CLK2: variants seen among roughly 807,000 people sequenced by gnomAD.
The protein encoded by CLK2 is dual specificity protein kinase CLK2.
Under a neutral mutation model 73.5 loss-of-function variants are expected in CLK2, and 12 were observed. The ratio of observed to expected loss-of-function variants is 0.16; its 90% CI spans 0.10 to 0.26. CLK2 has a LOEUF of 0.26. CLK2 is among the 10% of genes least tolerant of loss of function. The pLI is 1.00. For missense variants in CLK2, 509 were observed against 688.4 expected (o/e 0.74, Z 2.92); for synonymous variants, 232 against 237.9 (o/e 0.98, Z 0.23).
chr1:155,263,656 T>C (rs929319006), intron 12 of CLK2: 6 of 984,766 alleles, frequency 6.1e-6, no homozygotes, highest in Non-Finnish European at 7.2e-6. Flanking sequence ...TCTTCTTTAG[T>C]TCCTCATTAA....
At chr1:155,267,345 C>T (rs1673278029) in intron 6 of CLK2, among the ~76,000 whole-genome samples, 1 of 152,232 alleles carries the variant, frequency 6.6e-6, no homozygotes, top group South Asian at 2.1e-4. Context: ...CCCGCCTCGG[C>T]CTCCAAAGTG....
chr1:155,265,826 C>T (rs1328783520), intron 8 of CLK2, 34 bp downstream of exon 8: 9 of 1,403,598 alleles, frequency 6.4e-6, no homozygotes, highest in African/African-American at 1.4e-5. Flanking sequence ...GCTGCCTGCC[C>T]CCAGTAACCA....
In CLK2 at chr1:155,268,519, C is replaced by T. The variant is rs1673337711; in HGVS notation, c.488-160G>A. On this transcript the variant is annotated intron_variant, in intron 4 of 12. Coordinates refer to ENST00000368361, the MANE Select transcript of CLK2 (RefSeq NM_001294338.2). The surrounding 1 kb of genome is among the most constrained non-coding windows in gnomAD (Gnocchi z 5.6). ...AAGAAAACCCCTGCGTGATTCCCAC[C>T]ACCTTTAACCCAGGGGCCGTGAGAG... The T allele has an allele frequency of 1.3e-6, 1 of 771,230 alleles. No individual in the cohort carries two copies. Among genetic ancestry groups the T allele is most frequent in the Non-Finnish European group, 2.2e-6 (1 of 452,134 alleles). 47.8% of individuals were successfully genotyped at this position (771,230 alleles called of 1,614,324 possible). A position where few individuals can be genotyped will look rare whatever the true frequency, so the allele number is the denominator to read the frequency against.
chr1:155,263,988 C>T lies in CLK2; in HGVS notation c.1279G>A (p.Ala427Thr). The T allele has an allele frequency of 6.2e-7, 1 of 1,614,216 alleles. No homozygotes were observed. The highest frequency in any genetic ancestry group is 2.2e-5 in the East Asian group (1 of 44,888). The change falls in exon 12 of 13, where the codon GCT becomes ACT. Residue 427 changes from alanine to threonine, a missense_variant. This residue lies in a region of CLK2 where 134 missense variants were observed against 146.0 expected (regional missense o/e 0.92). Coordinates refer to ENST00000368361, the MANE Select transcript of CLK2 (RefSeq NM_001294338.2). Reference sequence around the variant, plus strand: ...CAGTTCTCACGAACATAGCGCCCAGCTGATGTGTTCTCATCCCAATCCAGG... The same window carrying T: ...CAGTTCTCACGAACATAGCGCCCAGTTGATGTGTTCTCATCCCAATCCAGG... The part of the protein sequence containing the change: ...GRLDWDENTS[A>T]GRYVRENCKP...
In CLK2 at chr1:155,263,088, A is replaced by C. The variant is rs1673047382; in HGVS notation, c.*130T>G. The stretch of plus-strand genomic sequence containing the variant: ...CTTTCATATTTACACTATTTCACAT[A>C]TTCACAGGTATATAGAGAGCCAGGA... On this transcript the variant is annotated 3_prime_UTR_variant, in exon 13 of 13. Transcript: ENST00000368361. 1 of 818,924 alleles carries C rather than the reference A, an allele frequency of 1.2e-6. No homozygotes were observed. Among genetic ancestry groups the C allele is most frequent in the East Asian group, 2.7e-5 (1 of 37,370 alleles). The allele number at this position is 818,924 out of a possible 1,614,324, so 50.7% of individuals were successfully genotyped here.
rs866964574 is a variant in CLK2, at chr1:155,268,771, T to G, written c.424A>C (p.Ser142Arg). The G allele has an allele frequency of 1.9e-6, 3 of 1,611,588 alleles. No homozygotes were observed. The highest frequency in any genetic ancestry group is 1.3e-5 in the African/African-American group (1 of 74,448). The change falls in exon 4 of 13, where the codon AGT becomes CGT. Residue 142 changes from serine (S) to arginine (R), a missense_variant. Physicochemically the swap from Ser to Arg is moderately radical, Grantham distance 110 (BLOSUM62 -1). This residue lies in a region of CLK2 where 222 missense variants were observed against 221.7 expected (regional missense o/e 1.00). Transcript: ENST00000368361. The surrounding 1 kb of genome is among the most constrained non-coding windows in gnomAD (Gnocchi z 5.6). ...SSQHSSRRAK[S>R]VEDDAEGHLI... is the part of the protein sequence containing the mutation. ...TGGCCCTCAGCGTCGTCCTCTACAC[T>G]CTTGGCTCTCCGGCTGCTGTGCTGC...
At chr1:155,266,125 G>GTAT (rs1673221364) in intron 7 of CLK2, among the ~76,000 whole-genome samples, 171 bp from the exon 8 acceptor site, 5 of 151,696 alleles carry the variant, frequency 3.3e-5, no homozygotes, top group African/African-American at 1.2e-4. Flanking sequence ...AAGAAGCTCT[G>GTAT]CTCTTTCTAA....
At chr1:155,265,993 G>A in intron 7 of CLK2, 39 bp from the exon 8 acceptor site, 4 of 1,427,244 alleles carry the variant, frequency 2.8e-6, no homozygotes, top group South Asian at 1.1e-5. Context: ...GGTGCAGGTG[G>A]CCAGAGCTAA....
chr1:155,264,287 C>T lies in CLK2; in HGVS notation c.1160G>A (p.Arg387Lys), dbSNP rs1411657034. The part of the protein sequence containing the change: ...GFTLFQTHDN[R>K]EHLAMMERIL... The stretch of plus-strand genomic sequence containing the variant: ...CCTTTCCATCATGGCTAGATGCTCT[C>T]TGTTGTCATGGGTCTGGGAAACAAA... Residue 387 changes from arginine (R) to lysine (K), a missense_variant, in exon 11 of 13, where the codon AGA (arginine) becomes AAA (lysine). Physicochemically the swap from Arg to Lys is conservative, Grantham distance 26. Coordinates refer to ENST00000368361, the MANE Select transcript of CLK2 (RefSeq NM_001294338.2). 3 of 1,614,184 alleles carry T rather than the reference C, an allele frequency of 1.9e-6. No homozygotes were observed. The highest frequency in any genetic ancestry group is 2.5e-6 in the Non-Finnish European group (3 of 1,180,026).
chr1:155,265,945 T>C lies in CLK2; in HGVS notation c.848A>G (p.Asp283Gly). The change falls in exon 8 of 13, where the codon GAT becomes GGT. Residue 283 changes from aspartate (D) to glycine (G), a missense_variant. Asp to Gly is a moderately conservative substitution (Grantham distance 94). Coordinates refer to ENST00000368361, the MANE Select transcript of CLK2 (RefSeq NM_001294338.2). ...QLCQAVKFLH[D>G]NKLTHTDLKP... ...GAGGTCTGTATGTGTCAGCTTGTTA[T>C]CATGGAGGACTGTAGGGGAGAAGGC... The C allele has an allele frequency of 1.2e-6, 2 of 1,611,924 alleles. No homozygotes were observed. Among genetic ancestry groups the C allele is most frequent in the South Asian group, 1.1e-5 (1 of 91,050 alleles).
Position 155,269,580 on chromosome 1 carries a change from G to A in CLK2, c.307C>T (p.Arg103Trp), listed in dbSNP as rs1294139605. Residue 103 changes from arginine to tryptophan, a missense_variant, in exon 3 of 13, where the codon CGG becomes TGG. Arg to Trp is a moderately radical substitution (Grantham distance 101). This residue lies in a region of CLK2 where 222 missense variants were observed against 221.7 expected (regional missense o/e 1.00). Coordinates refer to ENST00000368361, the MANE Select transcript of CLK2 (RefSeq NM_001294338.2). ...TDYRHSYEYQ[R>W]ENSSYRSQRS... ...TGGCTGCGGTAACTGCTGTTCTCCC[G>A]CTGATATTCATAGGAATGCCGATAG... 1.2e-5 allele frequency: 19 copies of A among 1,614,164 alleles called. No homozygotes were observed. The highest frequency in any genetic ancestry group is 4.4e-5 in the South Asian group (4 of 91,084).
intron 6 of CLK2, among the ~76,000 whole-genome samples, 163 bp downstream of exon 6, chr1:155,267,847 C>G (rs1446472051): frequency 6.6e-6 from 1 of 152,118 alleles, no homozygotes; most frequent in Non-Finnish European, 1.5e-5. Context: ...CATGGGCCCC[C>G]CCCCTTTCCT....
chr1:155,269,791 G>T, intron 2 of CLK2, 75 bp from the exon 3 acceptor site: 1 of 1,340,656 alleles, frequency 7.5e-7, no homozygotes, highest in Non-Finnish European at 1.1e-6. Context: ...ACAAGGTCCT[G>T]CCTTAGTGAG....
At chr1:155,269,170 G>T in intron 3 of CLK2, 1 of 578,424 alleles carries the variant, frequency 1.7e-6, no homozygotes, top group Non-Finnish European at 3.1e-6. Flanking sequence ...CCAGGGCTTG[G>T]GGGAAAAAGG....
In CLK2 at chr1:155,270,791, T is replaced by C. The variant is rs1557936749; in HGVS notation, c.170+17A>G. On this transcript the variant is annotated intron_variant, in intron 2 of 12. Coordinates refer to ENST00000368361, the MANE Select transcript of CLK2 (RefSeq NM_001294338.2). ...GCGAGTGACCCTGTGTTTGAGTATCTCTTCCTGAGGCCTCACCTTCGAGAA... is the reference window on the plus strand; with the variant it reads ...GCGAGTGACCCTGTGTTTGAGTATCCCTTCCTGAGGCCTCACCTTCGAGAA... 1.9e-6 allele frequency: 3 copies of C among 1,595,876 alleles called. No individual in the cohort carries two copies. Among genetic ancestry groups the C allele is most frequent in the South Asian group, 2.2e-5 (2 of 90,728 alleles).
intron 1 of CLK2, among the ~76,000 whole-genome samples, chr1:155,272,744 C>T (rs1673569960): frequency 6.6e-6 from 1 of 152,172 alleles, no homozygotes; most frequent in Admixed American, 6.5e-5. Context: ...TACCATCAAA[C>T]GGCCTCACAG....
Position 155,268,609 on chromosome 1 carries a change from C to T in CLK2, c.487+99G>A. The T allele has an allele frequency of 8.6e-7, 1 of 1,163,180 alleles. No individual in the cohort carries two copies. The allele number at this position is 1,163,180 out of a possible 1,614,324, so 72.1% of individuals were successfully genotyped here. ...CAAACCACCCAGATAAACAACACCA[C>T]TGAGAAAAGGCAAGAGGCTGTGACT... On this transcript the variant is annotated intron_variant, in intron 4 of 12. Transcript: ENST00000368361. The surrounding 1 kb of genome is among the most constrained non-coding windows in gnomAD (Gnocchi z 5.6).
chr1:155,262,924 T>C lies in CLK2; in HGVS notation c.*294A>G, dbSNP rs1673038089. 5.8e-6 allele frequency: 2 copies of C among 344,766 alleles called. No individual in the cohort carries two copies. The highest frequency in any genetic ancestry group is 2.1e-5 in the African/African-American group (1 of 47,542). 21.4% of individuals were successfully genotyped at this position (344,766 alleles called of 1,614,324 possible). On this transcript the variant is annotated 3_prime_UTR_variant, in exon 13 of 13. Coordinates refer to ENST00000368361, the MANE Select transcript of CLK2 (RefSeq NM_001294338.2). The stretch of plus-strand genomic sequence containing the variant: ...CACAAAGACTGTACAAAATTCCTTA[T>C]AAAACATGGGGTAGATGCCACCTGG...
At position 155,270,955 on chromosome 1, in the gene CLK2, T is replaced by G. The variant is rs1341549419; in HGVS notation, c.23A>C (p.His8Pro). The G allele has an allele frequency of 6.2e-7, 1 of 1,612,564 alleles. No individual in the cohort carries two copies. Among genetic ancestry groups the G allele is most frequent in the African/African-American group, 1.3e-5 (1 of 74,968 alleles). Reference sequence around the variant, plus strand: ...CCCCCGGCTGCCTCGCTCTGAGGAGTGGTACCTTCGAGGATGCGGCATCTG... The same window carrying G: ...CCCCCGGCTGCCTCGCTCTGAGGAGGGGTACCTTCGAGGATGCGGCATCTG... Reference protein sequence around the residue: MPHPRRYHSSERGSRGSY... With the variant: MPHPRRYPSSERGSRGSY... The change falls in exon 2 of 13, where the codon CAC becomes CCC. Residue 8 changes from histidine to proline, a missense_variant. Physicochemically the swap from His to Pro is moderately conservative, Grantham distance 77. Around this residue, in one of 6 missense-constraint regions of CLK2, gnomAD observed 222 missense variants for 221.7 expected, o/e 1.00. Transcript: ENST00000368361.
Sources: allele counts gnomAD v4.1 joint callset (sites outside exome capture counted in the v4.1 genomes callset), GRCh38; gene constraint gnomAD v4.1.1; regional missense constraint gnomAD v4.1.1; non-coding constraint Gnocchi (gnomAD v3.1); transcripts MANE v1.5; gene names NCBI Gene and HGNC (gene_info 2026-07-23, HGNC 2026-07-21).